MARCHF3: variants seen among roughly 807,000 people sequenced by gnomAD.
MARCHF3 encodes E3 ubiquitin-protein ligase MARCHF3.
A neutral mutation model predicts 24.2 loss-of-function variants in MARCHF3; 13 were observed. The observed-to-expected ratio is 0.54, with a 90% confidence interval of 0.35 to 0.85. The LOEUF is 0.85. Among genes scored for constraint, MARCHF3 ranks in the 40% least tolerant of loss-of-function variants. The pLI is 0.01. For missense variants in MARCHF3, 276 were observed against 325.0 expected, an observed-to-expected ratio of 0.85 and a Z score of 1.16; for synonymous variants, 144 against 137.3, an observed-to-expected ratio of 1.05 and a Z score of -0.34.
chr5:126,906,678 T>C (rs1754310057), intron 3 of MARCHF3, among the ~76,000 whole-genome samples: 1 of 152,210 alleles, frequency 6.6e-6, no homozygotes, highest in Admixed American at 6.5e-5. Context: ...CTTTATCATT[T>C]TTTATTGTGT....
At chr5:126,938,842 A>C (rs994924970) in intron 1 of MARCHF3, among the ~76,000 whole-genome samples, 1 of 152,250 alleles carries the variant, frequency 6.6e-6, no homozygotes, top group African/African-American at 2.4e-5. Context: ...ATGTTTCCTC[A>C]GTTTCACAGA....
chr5:126,888,034 G>C (rs1012935158), intron 3 of MARCHF3, among the ~76,000 whole-genome samples: 2 of 152,218 alleles, frequency 1.3e-5, no homozygotes, highest in African/African-American at 4.8e-5. Context: ...CTACGTTCCT[G>C]TTTCTTAAAT....
chr5:126,979,761 C>A (rs574109991), intron 1 of MARCHF3, among the ~76,000 whole-genome samples: 1 of 151,948 alleles, frequency 6.6e-6, no homozygotes, highest in African/African-American at 2.4e-5. Flanking sequence ...CCAGCCTGAC[C>A]AACATGGAGA....
chr5:126,935,601 C>CTTTTTTTTT (rs202058243), intron 1 of MARCHF3, among the ~76,000 whole-genome samples: 3 of 70,592 alleles, frequency 4.2e-5, no homozygotes, highest in Non-Finnish European at 5.5e-5. Flanking sequence ...GTATATATGG[C>CTTTTTTTTT]TTTTTTTTTT....
At chr5:126,917,687 C>G (rs1561426079) in intron 2 of MARCHF3, among the ~76,000 whole-genome samples, 3 of 152,186 alleles carry the variant, frequency 2.0e-5, no homozygotes, top group Admixed American at 1.3e-4. Flanking sequence ...CTGGAGACAA[C>G]AAGAGAGCAT....
intron 1 of MARCHF3, among the ~76,000 whole-genome samples, chr5:126,950,451 C>T (rs1166309173): frequency 7.9e-6 from 1 of 126,980 alleles, no homozygotes; most frequent in Non-Finnish European, 1.5e-5. Flanking sequence ...AGCTTGCTTT[C>T]ACTTCATGGA....
At chr5:126,950,661 C>T (rs1311306322) in intron 1 of MARCHF3, among the ~76,000 whole-genome samples, 1 of 152,214 alleles carries the variant, frequency 6.6e-6, no homozygotes, top group Non-Finnish European at 1.5e-5. Context: ...GGTAACTCTG[C>T]CTCTCTTCAA....
At chr5:127,010,369 A>T (rs1415663121) in intron 1 of MARCHF3, among the ~76,000 whole-genome samples, 1 of 152,236 alleles carries the variant, frequency 6.6e-6, no homozygotes, top group African/African-American at 2.4e-5. Context: ...GATATTTTCC[A>T]GCAAGTTTCC....
At chr5:126,940,971 A>G (rs1749808231) in intron 1 of MARCHF3, among the ~76,000 whole-genome samples, 1 of 152,150 alleles carries the variant, frequency 6.6e-6, no homozygotes, top group South Asian at 2.1e-4. Flanking sequence ...TTGCAACTGT[A>G]TATTATTTAA....
At chr5:126,884,370 A>T (rs188631964) in intron 3 of MARCHF3, among the ~76,000 whole-genome samples, 1 of 152,330 alleles carries the variant, frequency 6.6e-6, no homozygotes, top group Admixed American at 6.5e-5. Context: ...CATGCTTCAG[A>T]TATCCATCAA....
intron 1 of MARCHF3, among the ~76,000 whole-genome samples, chr5:126,949,074 T>G (rs1245461484): frequency 6.6e-6 from 1 of 152,224 alleles, no homozygotes; most frequent in Admixed American, 6.5e-5. Flanking sequence ...GAATTTTAAC[T>G]TCATTAAAAG....
intron 3 of MARCHF3, among the ~76,000 whole-genome samples, chr5:126,888,497 C>A (rs1007967578): frequency 6.6e-6 from 1 of 152,158 alleles, no homozygotes; most frequent in African/African-American, 2.4e-5. Context: ...TCACTTGTAA[C>A]TTCAGACATA....
intron 3 of MARCHF3, among the ~76,000 whole-genome samples, chr5:126,908,421 A>G (rs566412251): frequency 1.6e-4 from 24 of 152,318 alleles, no homozygotes; most frequent in African/African-American, 5.3e-4. Flanking sequence ...AATGTTTTCC[A>G]ACTTGGTTCC....
chr5:126,976,297 C>T (rs1249137228), intron 1 of MARCHF3, among the ~76,000 whole-genome samples: 1 of 152,192 alleles, frequency 6.6e-6, no homozygotes, highest in Non-Finnish European at 1.5e-5. Context: ...GACACAAAAT[C>T]TTACATGACT....
chr5:126,959,837 C>G (rs542327547), intron 1 of MARCHF3, among the ~76,000 whole-genome samples: 4 of 152,220 alleles, frequency 2.6e-5, no homozygotes, highest in African/African-American at 7.2e-5. Flanking sequence ...AACTAATAGA[C>G]AGTAAGCATT....
chr5:126,889,307 G>C (rs972883450), intron 3 of MARCHF3, among the ~76,000 whole-genome samples: 3 of 152,054 alleles, frequency 2.0e-5, no homozygotes, highest in Non-Finnish European at 4.4e-5. Context: ...CCAGACAAAA[G>C]ATGAGAATAC....
chr5:126,996,283 A>G (rs1224556191), intron 1 of MARCHF3, among the ~76,000 whole-genome samples: 1 of 152,192 alleles, frequency 6.6e-6, no homozygotes, highest in Non-Finnish European at 1.5e-5. Context: ...GTCAGGATGC[A>G]TGGAGAACAG....
chr5:126,945,739 T>G (rs1749988180), intron 1 of MARCHF3, among the ~76,000 whole-genome samples: 1 of 152,226 alleles, frequency 6.6e-6, no homozygotes, highest in Non-Finnish European at 1.5e-5. Context: ...GTTTGAATTC[T>G]GGCTCTTTCA....
intron 3 of MARCHF3, among the ~76,000 whole-genome samples, chr5:126,914,461 G>A (rs1754647096): frequency 6.6e-6 from 1 of 151,980 alleles, no homozygotes; most frequent in African/African-American, 2.4e-5. Context: ...CGAGGTCACA[G>A]AACCCAGGAC....
Sources: allele counts gnomAD v4.1 joint callset (sites outside exome capture counted in the v4.1 genomes callset), GRCh38; gene constraint gnomAD v4.1.1; transcripts MANE v1.5; gene names NCBI Gene and HGNC (gene_info 2026-07-23, HGNC 2026-07-21).